CDH17: variants seen among roughly 807,000 people sequenced by gnomAD.
CDH17 encodes cadherin 17, also known as cadherin-17.
CDH17 carries 67 observed loss-of-function variants against 86.3 expected under a neutral mutation model. The observed-to-expected ratio is 0.78, with a 90% CI of 0.64 to 0.95. The LOEUF is 0.95. Among genes scored for constraint, CDH17 ranks in the 40% least tolerant of loss-of-function variants. CDH17 has a pLI of 0.00. For synonymous variants in CDH17, 367 were observed against 366.4 expected, an observed-to-expected ratio of 1.00 and a Z score of -0.02; for missense variants, 993 against 1,017.6, an observed-to-expected ratio of 0.98 and a Z score of 0.33.
chr8:94,191,158 A>T (rs199560338), intron 2 of CDH17, among the ~76,000 whole-genome samples: 5 of 146,328 alleles, frequency 3.4e-5, no homozygotes, highest in South Asian at 2.1e-4. Flanking sequence ...TCCTGATTTT[A>T]AAAAAAAGGG....
chr8:94,128,415 T>C, intron 17 of CDH17, 75 bp from the exon 18 acceptor site: 1 of 919,350 alleles, frequency 1.1e-6, no homozygotes, highest in Non-Finnish European at 1.7e-6. Context: ...TAAAGTAGTA[T>C]TGTGGTAGGA....
intron 3 of CDH17, among the ~76,000 whole-genome samples, chr8:94,185,274 A>AAT (rs199680821): frequency 0.04 from 4,630 of 115,262 alleles, 233 homozygotes; most frequent in African/African-American, 0.18. Context: ...ACCCTACCCC[A>AAT]ATACACACAC....
At chr8:94,142,802 A>G (rs1451920748) in intron 15 of CDH17, among the ~76,000 whole-genome samples, 7 of 152,226 alleles carry the variant, frequency 4.6e-5, no homozygotes, top group Admixed American at 3.9e-4. Flanking sequence ...CATTCATTCC[A>G]GTTTGATCAT....
intron 1 of CDH17, chr8:94,202,173 A>AT (rs34298667): frequency 0.012 from 1,659 of 142,502 alleles, 16 homozygotes; most frequent in African/African-American, 0.031. Flanking sequence ...GCTGGTATCG[A>AT]TTTTTTTTTT....
At chr8:94,199,605 T>G (rs1265802249) in intron 1 of CDH17, among the ~76,000 whole-genome samples, 1 of 152,180 alleles carries the variant, frequency 6.6e-6, no homozygotes, top group Non-Finnish European at 1.5e-5. Flanking sequence ...ACCTAGGAAG[T>G]AGAAGGAGAA....
At chr8:94,211,501 C>T (rs1586037670), upstream of CDH17, among the ~76,000 whole-genome samples, 2 of 152,124 alleles carry the variant, frequency 1.3e-5, no homozygotes, top group Middle Eastern at 3.4e-3. Flanking sequence ...TTAGTAGAGA[C>T]GGGGTTTAAC....
intron 2 of CDH17, among the ~76,000 whole-genome samples, chr8:94,193,724 T>C (rs1036425403): frequency 6.6e-6 from 1 of 152,192 alleles, no homozygotes; most frequent in Non-Finnish European, 1.5e-5. Flanking sequence ...GCTTTGAGCC[T>C]GCAGGCTGTG....
In CDH17 at chr8:94,144,191, G is replaced by A. The variant is rs896523915; in HGVS notation, c.2167+1737C>T. On this transcript the variant is annotated intron_variant, in intron 15 of 17. Transcript: ENST00000027335. ...GGCAATAGGGAGGCCCAAGGAGAGAGAGAGACATGGGGAAACAGCCAGTCT... is the reference window on the plus strand; with the variant it reads ...GGCAATAGGGAGGCCCAAGGAGAGAAAGAGACATGGGGAAACAGCCAGTCT... 3.3e-4 allele frequency among the ~76,000 whole-genome samples: 50 copies of A among 152,294 alleles called. No individual in the cohort carries two copies. In the Middle Eastern group the frequency reaches 0.01, roughly 31 times the overall value.
intron 14 of CDH17, 102 bp downstream of exon 14, chr8:94,148,642 T>C (rs2130597373): frequency 2.1e-6 from 2 of 938,950 alleles, no homozygotes; most frequent in Non-Finnish European, 3.0e-6. Flanking sequence ...TATTCTGGTG[T>C]TTTGGCCCTG....
intron 13 of CDH17, 66 bp from the exon 14 acceptor site, chr8:94,148,940 G>A (rs1265949689): frequency 1.4e-6 from 2 of 1,411,872 alleles, no homozygotes; most frequent in South Asian, 1.3e-5. Context: ...AAGCTAGTTT[G>A]TGCGTCAACT....
intron 1 of CDH17, among the ~76,000 whole-genome samples, chr8:94,204,334 G>A (rs760872558): frequency 1.1e-4 from 17 of 152,022 alleles, no homozygotes; most frequent in Admixed American, 1.1e-3. Flanking sequence ...CCCGATGTGT[G>A]ATGTTCCCCT....
chr8:94,147,527 TTGAG>T (rs1355572694), intron 14 of CDH17, among the ~76,000 whole-genome samples: 3 of 152,208 alleles, frequency 2.0e-5, no homozygotes, highest in African/African-American at 7.2e-5. Flanking sequence ...AACATATTTA[TTGAG>T]TAATTTGTTT....
At chr8:94,149,282 C>T (rs894719156) in intron 13 of CDH17, among the ~76,000 whole-genome samples, 5 of 152,094 alleles carry the variant, frequency 3.3e-5, no homozygotes, top group Non-Finnish European at 5.9e-5. Context: ...AAAATTTGAA[C>T]ACCCAGTGGT....
Position 94,162,093 on chromosome 8 carries a change from T to C in CDH17, c.1352A>G (p.Lys451Arg). The C allele has an allele frequency of 1.3e-6, 2 of 1,578,930 alleles. No homozygotes were observed. Among genetic ancestry groups the C allele is most frequent in the Non-Finnish European group, 8.7e-7 (1 of 1,148,210 alleles). The part of the protein sequence containing the change: ...DINDQIPIFE[K>R]SDYGNLTLAE... ...ATAATGACAACTACTCACATCTGAT[T>C]TTTCAAAGATGGGGATCTGATCATT... The change falls in exon 11 of 18, where the codon AAA (lysine) becomes AGA (arginine). Residue 451 changes from lysine to arginine, a missense_variant. Transcript: ENST00000027335.
rs375900800 is a variant in CDH17 at position 94,196,663 on chromosome 8, G to A, written c.-20-1958C>T. Among the ~76,000 whole-genome samples the A allele has an allele frequency of 1.4e-3, 208 of 152,232 alleles. 1 individual carries two copies. Among genetic ancestry groups the A allele is most frequent in the African/African-American group, 4.8e-3 (198 of 41,546 alleles). The stretch of plus-strand genomic sequence containing the variant: ...TAAGGGTAAGAGAGTCCTCAGTAAG[G>A]TTTCCTTTTAACAAAAAGCAGCCCC... On this transcript the variant is annotated intron_variant, in intron 1 of 17. Transcript: ENST00000027335.
At chr8:94,128,373 G>A (rs1812342657) in intron 17 of CDH17, 33 bp from the exon 18 acceptor site, 1 of 1,329,518 alleles carries the variant, frequency 7.5e-7, no homozygotes, top group Non-Finnish European at 1.1e-6. Context: ...AAATAAATGG[G>A]ACCTTTTAAA....
chr8:94,177,522 T>C, intron 4 of CDH17, 65 bp downstream of exon 4: 6 of 1,554,964 alleles, frequency 3.9e-6, no homozygotes, highest in African/African-American at 1.4e-5. Context: ...GTGCCAGCCA[T>C]ACTTCCAGAA....
At position 94,174,179 on chromosome 8, in the gene CDH17, A is replaced by G; in HGVS notation, c.506T>C (p.Ile169Thr). The part of the protein sequence containing the change: ...PNGQLYYQIV[I>T]QLPMINNVMY... Reference sequence around the variant, plus strand: ...GACATTGTTGATCATGGGAAGCTGGATGACAATCTGGTAATAAAGCTGGCC... The same window carrying G: ...GACATTGTTGATCATGGGAAGCTGGGTGACAATCTGGTAATAAAGCTGGCC... Residue 169 changes from isoleucine (I) to threonine (T), a missense_variant, in exon 6 of 18, where the codon ATC becomes ACC. Ile to Thr is a moderately conservative substitution (Grantham distance 89). Transcript: ENST00000027335. The G allele has an allele frequency of 1.2e-6, 2 of 1,613,818 alleles. No homozygotes were observed. Among genetic ancestry groups the G allele is most frequent in the South Asian group, 1.1e-5 (1 of 91,072 alleles).
At chr8:94,185,276 TACACACAC>T (rs71277462) in intron 3 of CDH17, among the ~76,000 whole-genome samples, 3,058 of 136,850 alleles carry the variant, frequency 0.022, 37 homozygotes, top group Non-Finnish European at 0.033. Context: ...CCTACCCCAA[TACACACAC>T]ACACACACAC....
Sources: allele counts gnomAD v4.1 joint callset (sites outside exome capture counted in the v4.1 genomes callset), GRCh38; gene constraint gnomAD v4.1.1; transcripts MANE v1.5; gene names NCBI Gene and HGNC (gene_info 2026-07-23, HGNC 2026-07-21).